The following SCAI variants were observed in gnomAD, a reference collection of about 807,000 sequenced individuals.
The protein encoded by SCAI is suppressor of cancer cell invasion.
In SCAI, 24 loss-of-function variants were observed where a neutral mutation model predicts 92.2. The ratio of observed to expected loss-of-function variants is 0.26; its 90% CI spans 0.19 to 0.37. SCAI has a LOEUF of 0.37. SCAI is among the 10% of genes least tolerant of loss of function. SCAI has a pLI of 1.00. For missense variants in SCAI, 450 were observed against 736.2 expected (o/e 0.61, Z 4.50); for synonymous variants, 261 against 258.6 (o/e 1.01, Z -0.09).
intron 14 of SCAI, among the ~76,000 whole-genome samples, chr9:124,990,264 G>A (rs1408933196): frequency 3.3e-5 from 5 of 151,822 alleles, no homozygotes; most frequent in Admixed American, 1.3e-4. Flanking sequence ...CGAGGTAGGC[G>A]GATCACCTCA....
At chr9:124,988,869 G>A (rs1039758096) in intron 14 of SCAI, among the ~76,000 whole-genome samples, 1 of 152,260 alleles carries the variant, frequency 6.6e-6, no homozygotes, top group Admixed American at 6.5e-5. Context: ...GCCAGGCACA[G>A]TGGCTCACGC....
intron 2 of SCAI, among the ~76,000 whole-genome samples, chr9:125,111,552 T>G (rs1227840102): frequency 6.8e-6 from 1 of 146,944 alleles, no homozygotes; most frequent in East Asian, 2.0e-4. Flanking sequence ...AGACTTTTTT[T>G]GTGAAAATTT....
chr9:125,033,777 A>G (rs1174907819), intron 3 of SCAI, among the ~76,000 whole-genome samples: 4 of 152,234 alleles, frequency 2.6e-5, no homozygotes, highest in Non-Finnish European at 4.4e-5. Context: ...AGAGTAATAC[A>G]AATAAAAAAG....
intron 3 of SCAI, among the ~76,000 whole-genome samples, chr9:125,046,199 A>ATATATATATATATATGTG (rs1406687216): frequency 9.5e-6 from 1 of 105,666 alleles, no homozygotes; most frequent in Non-Finnish European, 1.9e-5. Flanking sequence ...ATTGTGAGAT[A>ATATATATATATATATGTG]TATATATATA....
chr9:125,058,952 A>G (rs1833723411), intron 2 of SCAI, among the ~76,000 whole-genome samples: 1 of 152,266 alleles, frequency 6.6e-6, no homozygotes, highest in South Asian at 2.1e-4. Context: ...GCAATGGATT[A>G]TAACCTACTG....
intron 2 of SCAI, among the ~76,000 whole-genome samples, chr9:125,067,193 C>T (rs1833889873): frequency 6.6e-6 from 1 of 152,148 alleles, no homozygotes; most frequent in Non-Finnish European, 1.5e-5. Context: ...GGAAAAAGAA[C>T]ATATATTTTA....
At chr9:125,050,835 G>C (rs1413899347) in intron 3 of SCAI, among the ~76,000 whole-genome samples, 13 of 152,000 alleles carry the variant, frequency 8.6e-5, no homozygotes, top group Non-Finnish European at 1.9e-4. Context: ...CTCCCAAAGT[G>C]CTGGGATTAC....
intron 2 of SCAI, among the ~76,000 whole-genome samples, chr9:125,072,898 T>C (rs1242189817): frequency 6.6e-6 from 1 of 152,108 alleles, no homozygotes; most frequent in Non-Finnish European, 1.5e-5. Flanking sequence ...AATACGCCCT[T>C]GTTTTTATAT....
At chr9:124,964,747 G>C (rs1440456743) in intron 17 of SCAI, among the ~76,000 whole-genome samples, 2 of 152,192 alleles carry the variant, frequency 1.3e-5, no homozygotes, top group Non-Finnish European at 2.9e-5. Context: ...TTACTGGCAA[G>C]GTACTTCCTG....
chr9:124,966,526 C>T (rs1831545036), intron 17 of SCAI, among the ~76,000 whole-genome samples: 1 of 152,088 alleles, frequency 6.6e-6, no homozygotes, highest in Non-Finnish European at 1.5e-5. Context: ...AAATTTTAAT[C>T]ATTCATAATA....
chr9:125,055,110 T>C (rs1407166901), intron 3 of SCAI, among the ~76,000 whole-genome samples: 4 of 152,166 alleles, frequency 2.6e-5, no homozygotes, highest in South Asian at 2.1e-4. Context: ...TATAATACAA[T>C]TGTAAAATGT....
intron 17 of SCAI, among the ~76,000 whole-genome samples, chr9:124,962,939 C>CA (rs2131580153): frequency 6.6e-6 from 1 of 151,360 alleles, no homozygotes; most frequent in South Asian, 2.1e-4. Context: ...GCCGGGATTA[C>CA]AGGTGCATGC....
chr9:124,951,059 TAAAA>T lies in SCAI; in HGVS notation c.*1744_*1747del, dbSNP rs55938057. 26 of 116,606 alleles carry T rather than the reference TAAAA, an allele frequency of 2.2e-4. No individual in the cohort carries two copies. The highest frequency in any genetic ancestry group is 1.2e-3 in the Admixed American group (14 of 11,270). The allele number at this position is 116,606 out of a possible 1,614,324, so 7.2% of individuals were successfully genotyped here. ...GGCAACAAAGCAAGACTCTGTCTCT[TAAAA>T]AAAAAAAAAAAAAAAAGTAAAATAC... On this transcript the variant is annotated 3_prime_UTR_variant, in exon 18 of 18. Coordinates refer to ENST00000336505, the MANE Select transcript of SCAI (RefSeq NM_001144877.3).
At position 125,066,128 on chromosome 9, in the gene SCAI, T is replaced by G. The variant is rs908345401; in HGVS notation, c.99-10121A>C. 4.7e-6 allele frequency: 3 copies of G among 634,196 alleles called. No homozygotes were observed. The African/African-American group carries it at 5.7e-5, about 12-fold the overall frequency. 39.3% of individuals were successfully genotyped at this position (634,196 alleles called of 1,614,324 possible). ...ATTATTTGTACATAACATGAACATT[T>G]CCATAGAAATTTCAAAAGAATCTAT... On this transcript the variant is annotated intron_variant, in intron 2 of 17. Transcript: ENST00000336505.
At chr9:125,101,764 A>ACATC (rs1474478224) in intron 2 of SCAI, among the ~76,000 whole-genome samples, 2 of 152,254 alleles carry the variant, frequency 1.3e-5, no homozygotes, top group Non-Finnish European at 2.9e-5. Context: ...AGACTGAAGT[A>ACATC]CATCCTTTCC....
At chr9:124,968,380 G>T in intron 17 of SCAI, 1 of 1,167,942 alleles carries the variant, frequency 8.6e-7, no homozygotes, top group Non-Finnish European at 1.3e-6. Flanking sequence ...AGCACATCAT[G>T]GAGGGACACG....
intron 2 of SCAI, among the ~76,000 whole-genome samples, chr9:125,058,325 G>A (rs887978064): frequency 5.9e-5 from 9 of 151,870 alleles, no homozygotes; most frequent in South Asian, 4.2e-4. Context: ...ACCAGCCTGG[G>A]CAACATGGTG....
At chr9:125,028,346 T>G (rs1205429467) in intron 5 of SCAI, 46 bp downstream of exon 5, 1 of 1,082,648 alleles carries the variant, frequency 9.2e-7, no homozygotes, top group South Asian at 1.3e-5. Flanking sequence ...GCATGCTGTG[T>G]TTTAATCAGA....
intron 9 of SCAI, among the ~76,000 whole-genome samples, chr9:125,004,752 TATATATATATATATATA>T (rs1564374494): frequency 0.011 from 173 of 15,158 alleles, 13 homozygotes; most frequent in Middle Eastern, 0.025. Flanking sequence ...TATATATATA[TATATATATATATATATA>T]TATATATATA....
Sources: allele counts gnomAD v4.1 joint callset (sites outside exome capture counted in the v4.1 genomes callset), GRCh38; gene constraint gnomAD v4.1.1; transcripts MANE v1.5; gene names NCBI Gene and HGNC (gene_info 2026-07-23, HGNC 2026-07-21).